The following SPACA7 variants were observed in gnomAD, a reference collection of about 807,000 sequenced individuals.
The protein encoded by SPACA7 is sperm acrosome associated 7, also known as sperm acrosome-associated protein 7.
A neutral mutation model predicts 26.3 loss-of-function variants in SPACA7; 19 were observed. The observed-to-expected ratio is 0.72, with a 90% CI of 0.50 to 1.06. The LOEUF is 1.06. SPACA7 is among the 50% of genes least tolerant of loss of function. The pLI, the probability that SPACA7 is intolerant of heterozygous loss-of-function variation, is 0.00. For missense variants in SPACA7, 211 were observed against 229.9 expected, an observed-to-expected ratio of 0.92 and a Z score of 0.53; for synonymous variants, 84 against 84.5, an observed-to-expected ratio of 0.99 and a Z score of 0.04.
intron 5 of SPACA7, among the ~76,000 whole-genome samples, chr13:112,419,827 C>T (rs1886903216): frequency 6.6e-6 from 1 of 152,088 alleles, no homozygotes; most frequent in Non-Finnish European, 1.5e-5. Context: ...CAGGGAGTAA[C>T]CAGTGAAGGG....
intron 1 of SPACA7, among the ~76,000 whole-genome samples, chr13:112,381,790 T>C (rs1884085777): frequency 1.3e-5 from 2 of 152,034 alleles, no homozygotes; most frequent in Admixed American, 1.3e-4. Context: ...CTTTTTGCAC[T>C]GAGTCAGTTC....
At chr13:112,396,278 C>G (rs1885246994) in intron 2 of SPACA7, among the ~76,000 whole-genome samples, 1 of 152,010 alleles carries the variant, frequency 6.6e-6, no homozygotes, top group Admixed American at 6.5e-5. Flanking sequence ...GGGTGATCCC[C>G]AGTAACAATG....
chr13:112,427,116 T>C (rs956024653), intron 5 of SPACA7, among the ~76,000 whole-genome samples: 2 of 152,258 alleles, frequency 1.3e-5, no homozygotes, highest in African/African-American at 2.4e-5. Context: ...GAAAAGTTTT[T>C]TCTGAATCTA....
At chr13:112,425,046 A>C (rs1876396979) in intron 5 of SPACA7, among the ~76,000 whole-genome samples, 1 of 152,222 alleles carries the variant, frequency 6.6e-6, no homozygotes, top group South Asian at 2.1e-4. Flanking sequence ...TTCTGTGAGA[A>C]TGTAAAGGAA....
chr13:112,427,981 T>C (rs1876709444), intron 5 of SPACA7, among the ~76,000 whole-genome samples: 4 of 152,120 alleles, frequency 2.6e-5, no homozygotes, highest in Admixed American at 2.6e-4. Flanking sequence ...GAGAACCAGG[T>C]TTTTTGTTTC....
At chr13:112,407,643 G>A (rs373013304) in intron 5 of SPACA7, among the ~76,000 whole-genome samples, 20 of 151,526 alleles carry the variant, frequency 1.3e-4, no homozygotes, top group African/African-American at 4.4e-4. Flanking sequence ...TCCTGGACAC[G>A]TACACCCTCC....
chr13:112,397,052 A>C (rs1481015162), intron 2 of SPACA7, among the ~76,000 whole-genome samples: 1 of 152,172 alleles, frequency 6.6e-6, no homozygotes, highest in Non-Finnish European at 1.5e-5. Flanking sequence ...CATTGCCAAA[A>C]CCCAGCTCTG....
intron 5 of SPACA7, among the ~76,000 whole-genome samples, chr13:112,416,868 G>A (rs1886726804): frequency 6.6e-6 from 1 of 150,962 alleles, no homozygotes; most frequent in South Asian, 2.1e-4. Flanking sequence ...TGTTGAAGTT[G>A]TCCAGTTATC....
chr13:112,383,230 G>T (rs990162650), intron 1 of SPACA7, among the ~76,000 whole-genome samples: 2 of 151,258 alleles, frequency 1.3e-5, no homozygotes, highest in Admixed American at 1.3e-4. Context: ...AAGAAAGAAA[G>T]ACTGAAAAAG....
At position 112,430,172 on chromosome 13, in the gene SPACA7, C is replaced by CTGTGTG. The variant is rs1254393630; in HGVS notation, c.446-2271_446-2270insGTGTGT. Among the ~76,000 whole-genome samples the CTGTGTG allele has an allele frequency of 4.4e-3, 536 of 122,850 alleles. 5 individuals carry two copies. The highest frequency in any genetic ancestry group is 0.014 in the East Asian group (53 of 3,906). 80.6% of individuals were successfully genotyped at this position (122,850 alleles called of 152,430 possible). A position where few individuals can be genotyped will look rare whatever the true frequency, so the allele number is the denominator to read the frequency against. On this transcript the variant is annotated intron_variant, in intron 5 of 6. Coordinates refer to ENST00000283550, the MANE Select transcript of SPACA7 (RefSeq NM_145248.5). ...CTCAAGGCATCCCTTGCATCTCTCT[C>CTGTGTG]TCTGTGTGTGTGTGTGTGTGTGTGT...
intron 1 of SPACA7, among the ~76,000 whole-genome samples, chr13:112,380,113 C>A (rs1274501713): frequency 2.6e-5 from 4 of 152,192 alleles, no homozygotes; most frequent in African/African-American, 9.7e-5. Flanking sequence ...CTCTTACAAT[C>A]TCTTATTAAG....
chr13:112,386,482 C>A (rs1884533378), intron 1 of SPACA7, among the ~76,000 whole-genome samples: 1 of 152,010 alleles, frequency 6.6e-6, no homozygotes, highest in Non-Finnish European at 1.5e-5. Context: ...AAAACAGAGT[C>A]TTTTTTTGTT....
chr13:112,397,601 G>T (rs1885357284), intron 2 of SPACA7, among the ~76,000 whole-genome samples: 1 of 152,216 alleles, frequency 6.6e-6, no homozygotes, highest in South Asian at 2.1e-4. Context: ...GGCTCTCATG[G>T]TAAAATCTCC....
chr13:112,424,289 T>G (rs1287110502), intron 5 of SPACA7, among the ~76,000 whole-genome samples: 1 of 152,238 alleles, frequency 6.6e-6, no homozygotes, highest in African/African-American at 2.4e-5. Context: ...CCCCTGTCAC[T>G]GCCGTCATTT....
intron 5 of SPACA7, among the ~76,000 whole-genome samples, chr13:112,403,058 T>A (rs1300159596): frequency 6.6e-6 from 1 of 152,086 alleles, no homozygotes; most frequent in Non-Finnish European, 1.5e-5. Context: ...CTTTAGAGCA[T>A]CAGAAGCATT....
intron 5 of SPACA7, among the ~76,000 whole-genome samples, chr13:112,428,468 T>A (rs1457615590): frequency 6.6e-6 from 1 of 151,998 alleles, no homozygotes; most frequent in African/African-American, 2.4e-5. Context: ...TAATCCCAGC[T>A]ACATGGGAGG....
intron 1 of SPACA7, among the ~76,000 whole-genome samples, chr13:112,383,002 G>A (rs192745374): frequency 6.9e-6 from 1 of 145,326 alleles, no homozygotes; most frequent in Non-Finnish European, 1.5e-5. Flanking sequence ...AAGAGAGAGA[G>A]AGAAAGACAG....
At position 112,416,103 on chromosome 13, in the gene SPACA7, T is replaced by C. The variant is rs78281138; in HGVS notation, c.445+14939T>C. Among the ~76,000 whole-genome samples, 1,469 of 152,084 alleles carry C rather than the reference T, an allele frequency of 9.7e-3. 14 individuals are homozygous for C. The highest frequency in any genetic ancestry group is 0.033 in the East Asian group (170 of 5,116). On this transcript the variant is annotated intron_variant, in intron 5 of 6. Coordinates refer to ENST00000283550, the MANE Select transcript of SPACA7 (RefSeq NM_145248.5). ...ACTGTCCTTCCTACCTTCTTCAATG[T>C]GTCTTTTCCTGTTATTATGCTAAAA...
chr13:112,379,239 T>C (rs141201740), intron 1 of SPACA7, among the ~76,000 whole-genome samples: 1 of 152,314 alleles, frequency 6.6e-6, no homozygotes, highest in African/African-American at 2.4e-5. Context: ...AGTCTAATAG[T>C]GCAATCTTAG....
Sources: gnomAD v4.1 joint callset for allele counts (sites outside exome capture counted in the v4.1 genomes callset) on GRCh38, gnomAD v4.1.1 for gene constraint, MANE v1.5 for transcripts, NCBI Gene and HGNC (gene_info 2026-07-23, HGNC 2026-07-21) for gene names.